The following PIEZO2 variants were observed in gnomAD, a reference collection of about 807,000 sequenced individuals.
PIEZO2 encodes the protein piezo-type mechanosensitive ion channel component 2.
Under a neutral mutation model 337.3 loss-of-function variants are expected in PIEZO2, and 172 were observed. That is an observed-to-expected ratio of 0.51 (90% CI 0.45 to 0.58). PIEZO2 has a LOEUF of 0.58. Among genes scored for constraint, PIEZO2 ranks in the 20% least tolerant of loss-of-function variants. PIEZO2 has a pLI of 0.00. For synonymous variants in PIEZO2, 1,251 were observed against 1,228.5 expected, an observed-to-expected ratio of 1.02 and a Z score of -0.38; for missense variants, 3,028 against 3,391.3, an observed-to-expected ratio of 0.89 and a Z score of 2.66.
At chr18:10,915,704 G>A (rs926300364) in intron 3 of PIEZO2, among the ~76,000 whole-genome samples, 25 of 152,168 alleles carry the variant, frequency 1.6e-4, no homozygotes, top group African/African-American at 6.0e-4. Context: ...GGAAACCAAG[G>A]GTTAGAGATT....
intron 1 of PIEZO2, among the ~76,000 whole-genome samples, chr18:11,134,756 T>C (rs912122231): frequency 2.6e-5 from 4 of 152,102 alleles, no homozygotes; most frequent in African/African-American, 7.2e-5. Flanking sequence ...AAAGACCTAA[T>C]CATGAAACTC....
chr18:10,949,141 C>T (rs892165104), intron 3 of PIEZO2, among the ~76,000 whole-genome samples: 5 of 151,922 alleles, frequency 3.3e-5, no homozygotes, highest in African/African-American at 9.7e-5. Context: ...ATAAAATTTC[C>T]GAGGAAGTAA....
chr18:10,744,502 A>C (rs1044941138), intron 30 of PIEZO2, among the ~76,000 whole-genome samples: 4 of 152,164 alleles, frequency 2.6e-5, no homozygotes, highest in African/African-American at 9.7e-5. Context: ...GTATTCTCCA[A>C]GACATTGACA....
rs989271256 is a variant in PIEZO2, at chr18:11,001,952, A to G, written c.161-22292T>C. On this transcript the variant is annotated intron_variant, in intron 2 of 55. Transcript: ENST00000674853. The surrounding 1 kb of genome is among the most constrained non-coding windows in gnomAD (Gnocchi z 5.3). ...AAGGAAGGAAGGAAGGAAGGAAGAAAAAAAGACTTGGAAGGAGCCAAAACT... is the reference window on the plus strand; with the variant it reads ...AAGGAAGGAAGGAAGGAAGGAAGAAGAAAAGACTTGGAAGGAGCCAAAACT... Among the ~76,000 whole-genome samples the G allele has an allele frequency of 6.6e-6, 1 of 151,794 alleles. No homozygotes were observed. Among genetic ancestry groups the G allele is most frequent in the Non-Finnish European group, 1.5e-5 (1 of 67,908 alleles).
Position 11,035,797 on chromosome 18 carries a change from A to G in PIEZO2, c.160+30330T>C, listed in dbSNP as rs886139964. On this transcript the variant is annotated intron_variant, in intron 2 of 55. Coordinates refer to ENST00000674853, the MANE Select transcript of PIEZO2 (RefSeq NM_001378183.1). This position sits in a 1 kb window ranked among gnomAD's most constrained non-coding sequence, Gnocchi z 4.3. ...GCAGCACATATTTGTAAATAAGCCA[A>G]CTCCTAAAATAATATGAAACTCTGA... Among the ~76,000 whole-genome samples the G allele has an allele frequency of 6.6e-6, 1 of 152,112 alleles. No homozygotes were observed. Among genetic ancestry groups the G allele is most frequent in the Admixed American group, 6.5e-5 (1 of 15,276 alleles).
In PIEZO2 at chr18:10,847,385, CAAAAGG is replaced by C. The variant is rs2041399557; in HGVS notation, c.917+7962_917+7967del. Reference sequence around the variant, plus strand: ...AGACCGTGGAGATGCCCTTGGTGGGCAAAAGGAGAGAAATCTGGCCCAGAACACTTA... The same window carrying C: ...AGACCGTGGAGATGCCCTTGGTGGGCAGAGAAATCTGGCCCAGAACACTTA... On this transcript the variant is annotated intron_variant, in intron 7 of 55. Transcript: ENST00000674853. The surrounding 1 kb of genome is among the most constrained non-coding windows in gnomAD (Gnocchi z 5.7). Among the ~76,000 whole-genome samples the C allele has an allele frequency of 1.3e-5, 2 of 152,144 alleles. No homozygotes were observed. Among genetic ancestry groups the C allele is most frequent in the African/African-American group, 4.8e-5 (2 of 41,438 alleles).
At chr18:11,086,781 G>A (rs545906395) in intron 1 of PIEZO2, among the ~76,000 whole-genome samples, 7 of 151,712 alleles carry the variant, frequency 4.6e-5, no homozygotes, top group African/African-American at 1.7e-4. Context: ...ACAGGAAGAG[G>A]AGCTAAAAAT....
chr18:10,890,586 T>C (rs1165128571), intron 4 of PIEZO2: 3 of 151,992 alleles, frequency 2.0e-5, no homozygotes, highest in Non-Finnish European at 4.4e-5. Context: ...CAGTGTGAAG[T>C]GGGGGAAAAT....
At position 11,094,945 on chromosome 18, in the gene PIEZO2, G is replaced by A. The variant is rs2039220218; in HGVS notation, c.65-28723C>T. On this transcript the variant is annotated intron_variant, in intron 1 of 55. Transcript: ENST00000674853. The surrounding 1 kb of genome is among the most constrained non-coding windows in gnomAD (Gnocchi z 4.4). ...CCTACAGCTCCAAAAGCCACCCGCT[G>A]GAAGGGGGCCCCAGGGCCATTTTCA... Among the ~76,000 whole-genome samples the A allele has an allele frequency of 6.6e-6, 1 of 152,216 alleles. No homozygotes were observed. Among genetic ancestry groups the A allele is most frequent in the African/African-American group, 2.4e-5 (1 of 41,468 alleles).
intron 11 of PIEZO2, among the ~76,000 whole-genome samples, chr18:10,800,084 T>C (rs1243914626): frequency 1.3e-5 from 2 of 152,128 alleles, no homozygotes; most frequent in Non-Finnish European, 2.9e-5. Flanking sequence ...TAAGTTGACA[T>C]GTTTAAAATA....
intron 3 of PIEZO2, among the ~76,000 whole-genome samples, chr18:10,967,205 G>A (rs2034044431): frequency 6.6e-6 from 1 of 151,778 alleles, no homozygotes; most frequent in Non-Finnish European, 1.5e-5. Context: ...TTTCAGTAGA[G>A]ACAAGATTTC....
chr18:10,855,455 C>T lies in PIEZO2; in HGVS notation c.815G>A (p.Cys272Tyr), dbSNP rs1449372697. 1.3e-6 allele frequency: 2 copies of T among 1,537,060 alleles called. No homozygotes were observed. Among genetic ancestry groups the T allele is most frequent in the Non-Finnish European group, 1.7e-6 (2 of 1,146,896 alleles). Residue 272 changes from cysteine to tyrosine, a missense_variant, in exon 7 of 56, where the codon TGT becomes TAT. Cys to Tyr is a radical substitution (Grantham distance 194). Around this residue, in one of 5 missense-constraint regions of PIEZO2, gnomAD observed 542 missense variants for 605.6 expected, o/e 0.89. Transcript: ENST00000674853. This position sits in a 1 kb window ranked among gnomAD's most constrained non-coding sequence, Gnocchi z 4.9. ...TFDPLLFSCLCVLLAIFTAGH... is the reference protein window; with the variant it reads ...TFDPLLFSCLYVLLAIFTAGH... Reference sequence around the variant, plus strand: ...AGCAGTGAAAATAGCCAGCAGAACACAGAGACAGCTGAACAGCAATGGGTC... The same window carrying T: ...AGCAGTGAAAATAGCCAGCAGAACATAGAGACAGCTGAACAGCAATGGGTC...
rs1473109551 is a variant in PIEZO2, at chr18:11,062,441, G to A, written c.160+3686C>T. Among the ~76,000 whole-genome samples, 10 of 152,310 alleles carry A rather than the reference G, an allele frequency of 6.6e-5. No individual in the cohort carries two copies. In the South Asian group the frequency reaches 1.2e-3, roughly 19 times the overall value. On this transcript the variant is annotated intron_variant, in intron 2 of 55. Transcript: ENST00000674853. Reference sequence around the variant, plus strand: ...AATTTAACTAAAGAGCCTCTGCACAGCAAAAGAAACTACCATCAGAGTGAA... The same window carrying A: ...AATTTAACTAAAGAGCCTCTGCACAACAAAAGAAACTACCATCAGAGTGAA...
intron 7 of PIEZO2, among the ~76,000 whole-genome samples, chr18:10,811,503 G>A (rs2040189163): frequency 1.3e-5 from 2 of 152,238 alleles, no homozygotes; most frequent in Admixed American, 6.5e-5. Flanking sequence ...TTAACAGATG[G>A]AAAAGTTACT....
rs115834566 is a variant in PIEZO2, at chr18:11,107,762, C to T, written c.64+40763G>A. ...ATCATAAGGTAATTTTACATTAGGA[C>T]GACAGGGTTGGAAGTATGATTTAAT... On this transcript the variant is annotated intron_variant, in intron 1 of 55. Coordinates refer to ENST00000674853, the MANE Select transcript of PIEZO2 (RefSeq NM_001378183.1). 2.7e-3 allele frequency among the ~76,000 whole-genome samples: 411 copies of T among 152,202 alleles called. 2 individuals carry two copies. Among genetic ancestry groups the T allele is most frequent in the African/African-American group, 8.9e-3 (370 of 41,514 alleles).
Position 10,863,507 on chromosome 18 carries a change from A to G in PIEZO2, c.493-6296T>C, listed in dbSNP as rs921349460. On this transcript the variant is annotated intron_variant, in intron 5 of 55. Coordinates refer to ENST00000674853, the MANE Select transcript of PIEZO2 (RefSeq NM_001378183.1). This position sits in a 1 kb window ranked among gnomAD's most constrained non-coding sequence, Gnocchi z 4.3. The stretch of plus-strand genomic sequence containing the variant: ...ATCTACAAAGCAATGAAAGTTTAAT[A>G]AAGAACAGGGAAGGACAAACTGAAT... Among the ~76,000 whole-genome samples the G allele has an allele frequency of 1.3e-5, 2 of 152,214 alleles. No individual in the cohort carries two copies. Among genetic ancestry groups the G allele is most frequent in the Admixed American group, 1.3e-4 (2 of 15,280 alleles).
chr18:10,865,903 T>C (rs1190736649), intron 5 of PIEZO2, among the ~76,000 whole-genome samples: 1 of 152,126 alleles, frequency 6.6e-6, no homozygotes, highest in Non-Finnish European at 1.5e-5. Flanking sequence ...CTCACACAAG[T>C]TTCCCATGGG....
chr18:11,075,050 T>TA (rs35827759), intron 1 of PIEZO2, among the ~76,000 whole-genome samples: 31,034 of 152,130 alleles, frequency 0.2, 3,278 homozygotes, highest in African/African-American at 0.26. Context: ...AAGTGTGTTT[T>TA]AATGCTCTTT....
At chr18:10,823,335 A>C (rs1281674536) in intron 7 of PIEZO2, among the ~76,000 whole-genome samples, 1 of 152,226 alleles carries the variant, frequency 6.6e-6, no homozygotes, top group Admixed American at 6.5e-5. Context: ...ACTTCTAACA[A>C]AAACAACCTG....
Sources: gnomAD v4.1 joint callset for allele counts (sites outside exome capture counted in the v4.1 genomes callset) on GRCh38, gnomAD v4.1.1 for gene constraint, gnomAD v4.1.1 regional missense constraint, Gnocchi (gnomAD v3.1) non-coding constraint, MANE v1.5 for transcripts, NCBI Gene and HGNC (gene_info 2026-07-23, HGNC 2026-07-21) for gene names.